ATRNL1: variants seen among roughly 807,000 people sequenced by gnomAD.
The protein encoded by ATRNL1 is attractin like 1.
A neutral mutation model predicts 182.7 loss-of-function variants in ATRNL1; 95 were observed. The ratio of observed to expected loss-of-function variants is 0.52; its 90% CI spans 0.44 to 0.62. ATRNL1 has a LOEUF of 0.62. ATRNL1 is among the 20% of genes least tolerant of loss of function. The probability of loss-of-function intolerance (pLI) is 0.00; values close to 1 mark genes in which losing one functional copy is unlikely to be tolerated. For missense variants in ATRNL1, 1,471 were observed against 1,679.5 expected (o/e 0.88, Z 2.17); for synonymous variants, 576 against 568.3 (o/e 1.01, Z -0.19).
intron 20 of ATRNL1, among the ~76,000 whole-genome samples, chr10:115,408,143 A>G (rs1235415334): frequency 6.6e-6 from 1 of 151,204 alleles, no homozygotes; most frequent in Non-Finnish European, 1.5e-5. Flanking sequence ...AGCCGGGACT[A>G]CAGGCGCCCG....
chr10:115,374,510 TCTTC>T (rs1236280216), intron 19 of ATRNL1, among the ~76,000 whole-genome samples: 3 of 148,398 alleles, frequency 2.0e-5, no homozygotes, highest in Non-Finnish European at 4.5e-5. Flanking sequence ...TCTTCCTCCT[TCTTC>T]CTTCTTTCTT....
At position 115,546,182 on chromosome 10, in the gene ATRNL1, A is replaced by C. The variant is rs1052668138; in HGVS notation, c.3717-3276A>C. Among the ~76,000 whole-genome samples the C allele has an allele frequency of 2.0e-5, 3 of 152,156 alleles. No individual in the cohort carries two copies. The South Asian group carries it at 6.2e-4, about 32-fold the overall frequency. ...GAGGTGATATTAATATTTGTATCAC[A>C]GTTCTTAAGGGTATGATGGTCTGAC... On this transcript the variant is annotated intron_variant, in intron 25 of 28. Coordinates refer to ENST00000355044, the MANE Select transcript of ATRNL1 (RefSeq NM_207303.4).
At chr10:115,909,290 T>C (rs1555115294) in intron 28 of ATRNL1, 1 of 152,186 alleles carries the variant, frequency 6.6e-6, no homozygotes, top group Non-Finnish European at 1.5e-5. Flanking sequence ...AATCTCTGTA[T>C]GCGTCAGTTT....
intron 10 of ATRNL1, among the ~76,000 whole-genome samples, chr10:115,256,177 T>A (rs1851124625): frequency 1.3e-5 from 2 of 152,216 alleles, no homozygotes; most frequent in African/African-American, 4.8e-5. Context: ...GGATTCCCTC[T>A]TTTTCTATTG....
intron 28 of ATRNL1, among the ~76,000 whole-genome samples, chr10:115,916,818 C>G (rs71472879): frequency 0.11 from 17,191 of 152,074 alleles, 1,681 homozygotes; most frequent in African/African-American, 0.27. Flanking sequence ...TTTCTCTGAC[C>G]AAGAGAAAGT....
intron 6 of ATRNL1, among the ~76,000 whole-genome samples, chr10:115,163,885 C>T (rs552545620): frequency 1.1e-4 from 17 of 152,262 alleles, no homozygotes; most frequent in African/African-American, 3.8e-4. Flanking sequence ...TATGTTTCCT[C>T]GTTTGTATCA....
At chr10:115,335,564 T>G (rs1240516580) in intron 19 of ATRNL1, among the ~76,000 whole-genome samples, 2 of 152,180 alleles carry the variant, frequency 1.3e-5, no homozygotes, top group African/African-American at 4.8e-5. Context: ...GATTCAACAT[T>G]TGAGTCAACA....
intron 20 of ATRNL1, among the ~76,000 whole-genome samples, chr10:115,424,168 T>G (rs952002600): frequency 1.3e-5 from 2 of 152,050 alleles, no homozygotes; most frequent in Non-Finnish European, 2.9e-5. Flanking sequence ...CTCACTGATA[T>G]AAGAAGAAGA....
chr10:115,947,630 G>A lies in ATRNL1; in HGVS notation c.*2851G>A, dbSNP rs891566723. 1 of 152,614 alleles carries A rather than the reference G, an allele frequency of 6.6e-6. No individual in the cohort carries two copies. Among genetic ancestry groups the A allele is most frequent in the Non-Finnish European group, 1.5e-5 (1 of 68,028 alleles). 9.5% of individuals were successfully genotyped at this position (152,614 alleles called of 1,614,324 possible). A position where few individuals can be genotyped will look rare whatever the true frequency, so the allele number is the denominator to read the frequency against. ...GCCGTATACTATAGTGTTATGTTCA[G>A]TAGGAAAACTTCAAATAGTTCGTAT... On this transcript the variant is annotated 3_prime_UTR_variant, in exon 29 of 29. Transcript: ENST00000355044.
At chr10:115,263,148 G>A (rs1005787482) in intron 10 of ATRNL1, among the ~76,000 whole-genome samples, 1 of 151,782 alleles carries the variant, frequency 6.6e-6, no homozygotes, top group Non-Finnish European at 1.5e-5. Flanking sequence ...ACTCTAACAT[G>A]GTTACAATGA....
At chr10:115,295,524 T>G (rs1554922286) in intron 15 of ATRNL1, among the ~76,000 whole-genome samples, 2 of 152,128 alleles carry the variant, frequency 1.3e-5, no homozygotes, top group Non-Finnish European at 2.9e-5. Context: ...GTGCAAGGCT[T>G]TTAGGCAGGC....
intron 8 of ATRNL1, among the ~76,000 whole-genome samples, chr10:115,215,300 T>C (rs1471076639): frequency 1.3e-5 from 2 of 152,184 alleles, no homozygotes; most frequent in Non-Finnish European, 2.9e-5. Flanking sequence ...AATTTTAGAT[T>C]TCTAAGGGTA....
At chr10:115,717,969 G>A (rs1016816242) in intron 26 of ATRNL1, among the ~76,000 whole-genome samples, 1 of 152,086 alleles carries the variant, frequency 6.6e-6, no homozygotes, top group Non-Finnish European at 1.5e-5. Context: ...CTGATAATGA[G>A]TTGTATCACT....
At chr10:115,456,179 T>C (rs1847514077) in intron 21 of ATRNL1, among the ~76,000 whole-genome samples, 1 of 152,144 alleles carries the variant, frequency 6.6e-6, no homozygotes, top group South Asian at 2.1e-4. Context: ...TAAAGACACA[T>C]GCACACATGT....
chr10:115,242,167 T>C (rs1339734308), intron 10 of ATRNL1, among the ~76,000 whole-genome samples: 1 of 151,978 alleles, frequency 6.6e-6, no homozygotes, highest in Non-Finnish European at 1.5e-5. Flanking sequence ...TTACTATATA[T>C]AGGAATCTGA....
chr10:115,913,133 T>G (rs1011592455), intron 28 of ATRNL1, among the ~76,000 whole-genome samples: 1 of 152,256 alleles, frequency 6.6e-6, no homozygotes, highest in African/African-American at 2.4e-5. Flanking sequence ...AAGTACTTTA[T>G]GAACTAAATT....
chr10:115,099,724 C>T (rs113207054), intron 1 of ATRNL1, among the ~76,000 whole-genome samples: 32 of 152,116 alleles, frequency 2.1e-4, no homozygotes, highest in African/African-American at 6.7e-4. Context: ...ACTTGCCATC[C>T]GTATATCTTC....
chr10:115,412,673 T>C lies in ATRNL1; in HGVS notation c.3270-13577T>C, dbSNP rs74158311. Among the ~76,000 whole-genome samples, 673 of 152,272 alleles carry C rather than the reference T, an allele frequency of 4.4e-3. 7 individuals are homozygous for C. The highest frequency in any genetic ancestry group is 0.015 in the African/African-American group (618 of 41,558). Reference sequence around the variant, plus strand: ...GGAGATTTCTAGTCTTTGGTAGATATTTTCTTGAATGGGGAAAATAATTTC... The same window carrying C: ...GGAGATTTCTAGTCTTTGGTAGATACTTTCTTGAATGGGGAAAATAATTTC... On this transcript the variant is annotated intron_variant, in intron 20 of 28. Coordinates refer to ENST00000355044, the MANE Select transcript of ATRNL1 (RefSeq NM_207303.4).
intron 1 of ATRNL1, among the ~76,000 whole-genome samples, chr10:115,116,331 ATAG>A (rs1446069836): frequency 3.3e-5 from 5 of 152,236 alleles, no homozygotes; most frequent in African/African-American, 4.8e-5. Flanking sequence ...AATATTAGAA[ATAG>A]TAGTTATGTA....
Sources: allele counts gnomAD v4.1 joint callset (sites outside exome capture counted in the v4.1 genomes callset), GRCh38; gene constraint gnomAD v4.1.1; transcripts MANE v1.5; gene names NCBI Gene and HGNC (gene_info 2026-07-23, HGNC 2026-07-21).